POF1B: variants seen among roughly 807,000 people sequenced by gnomAD.
POF1B encodes POF1B actin binding protein, also known as protein POF1B.
Under a neutral mutation model 55.3 loss-of-function variants are expected in POF1B, and 53 were observed. That is an observed-to-expected ratio of 0.96 (90% CI 0.77 to 1.20). The LOEUF is 1.20. POF1B is among the 50% of genes most tolerant of loss of function. The probability of loss-of-function intolerance (pLI) is 0.00; values close to 1 mark genes in which losing one functional copy is unlikely to be tolerated. For synonymous variants in POF1B, 188 were observed against 148.3 expected (o/e 1.27, Z -1.95); for missense variants, 478 against 420.5 (o/e 1.14, Z -1.20).
At chrX:85,306,676 C>G (rs1932582580) in intron 11 of POF1B, among the ~76,000 whole-genome samples, 1 of 111,348 alleles carries the variant, frequency 9.0e-6, no homozygotes, top group African/African-American at 3.2e-5. Context: ...CAACTAGTAA[C>G]TGAGCAAGAA....
chrX:85,375,595 C>T (rs1158072117), intron 2 of POF1B, among the ~76,000 whole-genome samples: 1 of 111,671 alleles, frequency 9.0e-6, no homozygotes, highest in Non-Finnish European at 1.9e-5. Flanking sequence ...TTTCAGGCAG[C>T]GCACTTCCTT....
chrX:85,372,448 C>T (rs1451466341), intron 2 of POF1B, among the ~76,000 whole-genome samples: 1 of 108,623 alleles, frequency 9.2e-6, no homozygotes, highest in African/African-American at 3.3e-5. Flanking sequence ...CCTTTGTACA[C>T]ACTAAATCTG....
chrX:85,289,292 CTA>C (rs1282151700), intron 15 of POF1B, among the ~76,000 whole-genome samples: 1 of 111,850 alleles, frequency 8.9e-6, no homozygotes, highest in Non-Finnish European at 1.9e-5. Flanking sequence ...AATGTAACCT[CTA>C]ACAAATTGTT....
intron 3 of POF1B, among the ~76,000 whole-genome samples, chrX:85,359,835 G>A (rs975489372): frequency 5.4e-5 from 6 of 111,069 alleles, no homozygotes; most frequent in African/African-American, 2.0e-4. Flanking sequence ...CTGGGTACTC[G>A]TATTATACTC....
chrX:85,358,450 C>T (rs1223351975), intron 4 of POF1B, among the ~76,000 whole-genome samples: 1 of 110,915 alleles, frequency 9.0e-6, no homozygotes, highest in East Asian at 2.8e-4. Context: ...GTGTCTTCCC[C>T]ATAGCAGGAG....
rs1933982544 is a variant in POF1B, at chrX:85,379,664, G to A, written c.-67C>T. On this transcript the variant is annotated 5_prime_UTR_variant, in exon 1 of 17. Coordinates refer to ENST00000262753, the MANE Select transcript of POF1B (RefSeq NM_024921.4). ...CTGAGCAGCAGCAAGAGCAGGTCTGGCAGCTACAGAGGAAGCAGCAAAATA... is the reference window on the plus strand; with the variant it reads ...CTGAGCAGCAGCAAGAGCAGGTCTGACAGCTACAGAGGAAGCAGCAAAATA... The A allele has an allele frequency of 2.3e-6, 1 of 434,643 alleles. No homozygotes were observed. Among genetic ancestry groups the A allele is most frequent in the South Asian group, 4.0e-5 (1 of 25,021 alleles). The allele number at this position is 434,643 out of a possible 1,213,427, so 35.8% of individuals were successfully genotyped here. A position where few individuals can be genotyped will look rare whatever the true frequency, so the allele number is the denominator to read the frequency against.
intron 2 of POF1B, among the ~76,000 whole-genome samples, chrX:85,375,532 AGAG>A (rs1187288731): frequency 1.8e-5 from 2 of 112,141 alleles, no homozygotes; most frequent in Non-Finnish European, 3.8e-5. Context: ...TAAGCACAAA[AGAG>A]GAGACCAAAG....
At position 85,360,531 on chromosome X, in the gene POF1B, A is replaced by G. The variant is rs190095662; in HGVS notation, c.358-901T>C. ...CTGCCTAGTATTCCATGGTATGTATATATATATATATATATATATATATAT... is the reference window on the plus strand; with the variant it reads ...CTGCCTAGTATTCCATGGTATGTATGTATATATATATATATATATATATAT... On this transcript the variant is annotated intron_variant, in intron 3 of 16. Transcript: ENST00000262753. 3.5e-3 allele frequency among the ~76,000 whole-genome samples: 256 copies of G among 73,559 alleles called. 8 individuals are homozygous for G. The highest frequency in any genetic ancestry group is 0.022 in the African/African-American group (238 of 10,749). 63.9% of individuals were successfully genotyped at this position (73,559 alleles called of 115,157 possible).
chrX:85,326,525 G>A (rs1031340371), intron 7 of POF1B, among the ~76,000 whole-genome samples: 6 of 109,859 alleles, frequency 5.5e-5, no homozygotes, highest in African/African-American at 1.7e-4. Context: ...TCTCTGAGCC[G>A]GCGAATGCTC....
Position 85,305,854 on chromosome X carries a change from G to A in POF1B, c.1374C>T (p.Asn458=), listed in dbSNP as rs73627353. The A allele has an allele frequency of 3.7e-3, 4,514 of 1,207,740 alleles. 101 individuals are homozygous for A. In the African/African-American group the frequency reaches 0.067, roughly 18 times the overall value. The change falls in exon 13 of 17, where the codon AAC becomes AAT. Residue 458 remains asparagine, a synonymous_variant. Coordinates refer to ENST00000262753, the MANE Select transcript of POF1B (RefSeq NM_024921.4). ...AGTTTTTTACCATCTCCGTGTAGTG[G>A]TTGCCAATCTCATCCATTTTAGCCT... ...MLQAKMDEIG[N]HYTEMVKNLR...
At chrX:85,345,447 T>C (rs1933250881) in intron 6 of POF1B, among the ~76,000 whole-genome samples, 2 of 111,469 alleles carry the variant, frequency 1.8e-5, no homozygotes, top group Admixed American at 1.9e-4. Context: ...GTATATATTC[T>C]CAAAGAAGAC....
At chrX:85,360,533 A>G (rs1019596120) in intron 3 of POF1B, among the ~76,000 whole-genome samples, 12 of 80,902 alleles carry the variant, frequency 1.5e-4, no homozygotes, top group South Asian at 1.1e-3. Flanking sequence ...GTATGTATAT[A>G]TATATATATA....
chrX:85,370,788 AT>A (rs1810782490), intron 2 of POF1B, among the ~76,000 whole-genome samples: 1 of 111,535 alleles, frequency 9.0e-6, no homozygotes, highest in African/African-American at 3.3e-5. Context: ...GATCCAAAAT[AT>A]TTTTGAAAGA....
chrX:85,311,349 C>T lies in POF1B; in HGVS notation c.957+3083G>A, dbSNP rs750109404. The stretch of plus-strand genomic sequence containing the variant: ...TTAGGTATTTCTCCTAATGCTATCC[C>T]TCCCCTAGCCCCCCACCCCCTGACA... On this transcript the variant is annotated intron_variant, in intron 9 of 16. Coordinates refer to ENST00000262753, the MANE Select transcript of POF1B (RefSeq NM_024921.4). Among the ~76,000 whole-genome samples the T allele has an allele frequency of 4.7e-3, 515 of 110,473 alleles. 1 individual carries two copies. Among genetic ancestry groups the T allele is most frequent in the Non-Finnish European group, 7.1e-3 (374 of 52,829 alleles).
At chrX:85,372,343 CAAAAA>C (rs35860898) in intron 2 of POF1B, among the ~76,000 whole-genome samples, 1 of 64,474 alleles carries the variant, frequency 1.6e-5, no homozygotes, top group Non-Finnish European at 2.8e-5. Flanking sequence ...GACTCTGTCT[CAAAAA>C]AAAAAAAAAA....
Position 85,345,849 on chromosome X carries a change from A to T in POF1B, c.723+11T>A. Reference sequence around the variant, plus strand: ...TTTCAGTTTGTTAAGGAATCAGCTGATTGATCTTACCTGCTCACAAATCTG... The same window carrying T: ...TTTCAGTTTGTTAAGGAATCAGCTGTTTGATCTTACCTGCTCACAAATCTG... On this transcript the variant is annotated intron_variant, in intron 6 of 16. Transcript: ENST00000262753. The T allele has an allele frequency of 8.5e-7, 1 of 1,182,408 alleles. No homozygotes were observed. The highest frequency in any genetic ancestry group is 1.9e-5 in the South Asian group (1 of 51,747).
intron 16 of POF1B, among the ~76,000 whole-genome samples, chrX:85,281,953 T>C (rs1931907035): frequency 9.0e-6 from 1 of 110,601 alleles, no homozygotes; most frequent in Non-Finnish European, 1.9e-5. Context: ...AGCATATCAC[T>C]AATGTTAATC....
chrX:85,308,276 G>A (rs1932621990), intron 9 of POF1B, 60 bp from the exon 10 acceptor site: 7 of 823,188 alleles, frequency 8.5e-6, no homozygotes, highest in Non-Finnish European at 1.2e-5. Context: ...GGCAATATAA[G>A]TGAAAGTTTT....
At chrX:85,334,129 G>A (rs1422586351) in intron 6 of POF1B, among the ~76,000 whole-genome samples, 2 of 111,112 alleles carry the variant, frequency 1.8e-5, no homozygotes, top group Non-Finnish European at 1.9e-5. Context: ...ATTTGTGGGT[G>A]TGTTTCGACA....
Sources: gnomAD v4.1 joint callset for allele counts (sites outside exome capture counted in the v4.1 genomes callset) on GRCh38, gnomAD v4.1.1 for gene constraint, MANE v1.5 for transcripts, NCBI Gene and HGNC (gene_info 2026-07-23, HGNC 2026-07-21) for gene names.